The following DNAAF5 variants were observed in gnomAD, a reference collection of about 807,000 sequenced individuals.
The protein encoded by DNAAF5 is dynein axonemal assembly factor 5, also known as HEAT repeat containing 2.
Under a neutral mutation model 75.8 loss-of-function variants are expected in DNAAF5, and 64 were observed. The observed-to-expected ratio is 0.84, with a 90% CI of 0.69 to 1.04. The LOEUF (loss-of-function observed/expected upper bound fraction) is 1.04. Ranked by LOEUF, DNAAF5 falls within the 50% of genes least tolerant of loss-of-function variation. The probability of loss-of-function intolerance (pLI) is 0.00; values close to 1 mark genes in which losing one functional copy is unlikely to be tolerated. For synonymous variants in DNAAF5, 657 were observed against 557.2 expected, an observed-to-expected ratio of 1.18 and a Z score of -2.52; for missense variants, 1,269 against 1,178.5, an observed-to-expected ratio of 1.08 and a Z score of -1.12.
At chr7:761,652 AGGATACGTGG>A in intron 6 of DNAAF5, 91 bp from the exon 7 acceptor site, 1 of 1,276,784 alleles carries the variant, frequency 7.8e-7, no homozygotes, top group Non-Finnish European at 1.1e-6. Flanking sequence ...GGTCCCTCCC[AGGATACGTGG>A]GGATTATGGG....
chr7:736,452 T>C (rs749944643), intron 2 of DNAAF5, among the ~76,000 whole-genome samples: 11 of 152,262 alleles, frequency 7.2e-5, no homozygotes, highest in African/African-American at 1.4e-4. Flanking sequence ...CCTTTATCAT[T>C]ATATGATGAC....
chr7:748,800 G>A (rs964940829), intron 4 of DNAAF5, among the ~76,000 whole-genome samples: 5 of 152,220 alleles, frequency 3.3e-5, no homozygotes, highest in African/African-American at 7.2e-5. Context: ...GAGTGGCTGC[G>A]TGTCCTGTCT....
chr7:727,314 C>G lies in DNAAF5; in HGVS notation c.594C>G (p.Pro198=). 2 of 1,283,418 alleles carry G rather than the reference C, an allele frequency of 1.6e-6. No individual in the cohort carries two copies. Among genetic ancestry groups the G allele is most frequent in the Non-Finnish European group, 2.0e-6 (2 of 1,017,426 alleles). 79.5% of individuals were successfully genotyped at this position (1,283,418 alleles called of 1,614,324 possible). Reference sequence around the variant, plus strand: ...CCGCCGCCCTGGCGCAGGCCACGCCCGGTGAGCACCCCGGGCCCCGCTCCC... The same window carrying G: ...CCGCCGCCCTGGCGCAGGCCACGCCGGGTGAGCACCCCGGGCCCCGCTCCC... ...SCAAALAQAT[P]DHFHMQSESL... Residue 198 remains proline, a splice_region_variant and synonymous_variant, in exon 1 of 13, where the codon CCC becomes CCG. Coordinates refer to ENST00000297440, the MANE Select transcript of DNAAF5 (RefSeq NM_017802.4).
intron 4 of DNAAF5, among the ~76,000 whole-genome samples, chr7:742,641 TCATGCCCAGCTCAAATCA>T: frequency 6.9e-6 from 1 of 144,456 alleles, no homozygotes; most frequent in African/African-American, 2.6e-5. Context: ...CTCAAATCAA[TCATGCCCAGCTCAAATCA>T]CATGCCCAGC....
At chr7:748,699 C>T (rs1469708979) in intron 4 of DNAAF5, among the ~76,000 whole-genome samples, 3 of 152,124 alleles carry the variant, frequency 2.0e-5, no homozygotes, top group East Asian at 1.9e-4. Flanking sequence ...CCTCACCGCT[C>T]GCTCCAGGGG....
intron 9 of DNAAF5, chr7:773,030 C>G (rs1583516088): frequency 6.6e-6 from 1 of 152,160 alleles, no homozygotes; most frequent in Non-Finnish European, 1.5e-5. Context: ...CACGCCTGGC[C>G]CACACTTGGA....
intron 1 of DNAAF5, 61 bp from the exon 2 acceptor site, chr7:729,602 A>G (rs1583471827): frequency 1.3e-6 from 2 of 1,535,316 alleles, no homozygotes; most frequent in East Asian, 2.4e-5. Context: ...CTGGAAGCCC[A>G]CAGAGCTGGG....
Position 726,981 on chromosome 7 carries a change from C to G in DNAAF5, c.261C>G (p.Asp87Glu). ...CGCGCTTGCTGCGCTGCCTGAGCGA[C>G]CCCGCCGAGGGCTGCCGCGCGCTGG... Reference protein sequence around the residue: ...LLPRLLRCLSDPAEGCRALAV... With the variant: ...LLPRLLRCLSEPAEGCRALAV... The change falls in exon 1 of 13, where the codon GAC becomes GAG. Residue 87 changes from aspartate to glutamate, a missense_variant. By Grantham distance (45) the Asp-to-Glu change is conservative. Coordinates refer to ENST00000297440, the MANE Select transcript of DNAAF5 (RefSeq NM_017802.4). 1.5e-6 allele frequency: 2 copies of G among 1,293,394 alleles called. No homozygotes were observed. Among genetic ancestry groups the G allele is most frequent in the Non-Finnish European group, 2.0e-6 (2 of 1,016,420 alleles). The allele number at this position is 1,293,394 out of a possible 1,614,324, so 80.1% of individuals were successfully genotyped here.
intron 2 of DNAAF5, 137 bp from the exon 3 acceptor site, chr7:740,682 G>A: frequency 8.0e-7 from 1 of 1,246,876 alleles, no homozygotes; most frequent in Non-Finnish European, 1.1e-6. Flanking sequence ...CATCTAGGCG[G>A]TGGTAGGTGG....
intron 3 of DNAAF5, 132 bp downstream of exon 3, chr7:741,075 C>A: frequency 8.9e-7 from 1 of 1,120,548 alleles, no homozygotes; most frequent in Non-Finnish European, 1.3e-6. Context: ...AAGGGATGTG[C>A]CGTACAGAAG....
chr7:776,197 A>G (rs750062698), intron 11 of DNAAF5, among the ~76,000 whole-genome samples: 2 of 152,070 alleles, frequency 1.3e-5, no homozygotes, highest in Non-Finnish European at 2.9e-5. Context: ...TTAGCTGGAC[A>G]TGGTGGTGCG....
At chr7:766,219 C>CTCAAAT (rs1782816777) in intron 8 of DNAAF5, among the ~76,000 whole-genome samples, 1 of 152,226 alleles carries the variant, frequency 6.6e-6, no homozygotes. Flanking sequence ...GGGGCACAGC[C>CTCAAAT]TCAAATATAA....
At chr7:785,177 C>T (rs1426602434) in intron 12 of DNAAF5, among the ~76,000 whole-genome samples, 1 of 152,266 alleles carries the variant, frequency 6.6e-6, no homozygotes, top group South Asian at 2.1e-4. Flanking sequence ...TCGCTGGACA[C>T]CCATCCAGCA....
chr7:759,873 G>A (rs1397373867), intron 6 of DNAAF5, among the ~76,000 whole-genome samples: 3 of 152,150 alleles, frequency 2.0e-5, no homozygotes, highest in African/African-American at 4.8e-5. Context: ...AAAGATGATC[G>A]CTCCTGAAAT....
At chr7:732,688 A>C in intron 2 of DNAAF5, 3 of 451,924 alleles carry the variant, frequency 6.6e-6, no homozygotes, top group Non-Finnish European at 1.3e-5. Flanking sequence ...TCGCGTTATT[A>C]GATTTTTTTC....
At chr7:727,589 C>G in intron 1 of DNAAF5, 1 of 214,988 alleles carries the variant, frequency 4.7e-6, no homozygotes, top group Non-Finnish European at 9.0e-6. Flanking sequence ...CCCCCATGTA[C>G]CTGTTTCCTG....
In DNAAF5 at chr7:754,693, G is replaced by A; in HGVS notation, c.1129G>A (p.Val377Met). 6.2e-7 allele frequency: 1 copy of A among 1,614,084 alleles called. No homozygotes were observed. The highest frequency in any genetic ancestry group is 8.5e-7 in the Non-Finnish European group (1 of 1,180,032). Residue 377 changes from valine to methionine, a missense_variant, in exon 5 of 13, where the codon GTG (valine) becomes ATG (methionine). Coordinates refer to ENST00000297440, the MANE Select transcript of DNAAF5 (RefSeq NM_017802.4). The surrounding 1 kb of genome is among the most constrained non-coding windows in gnomAD (Gnocchi z 4.8). ...CACCGACTGGGTGGTGGGGACCCGA[G>A]TGAAGTCGGCACAGCTGCTCCCAGT... ...DITDWVVGTR[V>M]KSAQLLPVLL...
At chr7:737,058 G>A (rs1460049648) in intron 2 of DNAAF5, among the ~76,000 whole-genome samples, 1 of 151,700 alleles carries the variant, frequency 6.6e-6, no homozygotes, top group Non-Finnish European at 1.5e-5. Flanking sequence ...GTCTTGAAAA[G>A]TCATTGTAGT....
chr7:753,671 GTC>G (rs1269982305), intron 4 of DNAAF5, among the ~76,000 whole-genome samples: 24 of 151,190 alleles, frequency 1.6e-4, no homozygotes, highest in African/African-American at 5.1e-4. Flanking sequence ...TCGCAGGCTT[GTC>G]TCTCTGATCA....
Sources: gnomAD v4.1 joint callset for allele counts (sites outside exome capture counted in the v4.1 genomes callset) on GRCh38, gnomAD v4.1.1 for gene constraint, Gnocchi (gnomAD v3.1) non-coding constraint, MANE v1.5 for transcripts, NCBI Gene and HGNC (gene_info 2026-07-23, HGNC 2026-07-21) for gene names.